Variants in PDE4B observed in about 807,000 individuals in gnomAD.
The protein encoded by PDE4B is phosphodiesterase 4B.
In PDE4B, 20 loss-of-function variants were observed where a neutral mutation model predicts 82.2. The observed-to-expected ratio is 0.24, with a 90% confidence interval of 0.17 to 0.35. The LOEUF is 0.35. Ranked by LOEUF, PDE4B falls within the 10% of genes least tolerant of loss-of-function variation. The probability of loss-of-function intolerance (pLI) is 1.00; values close to 1 mark genes in which losing one functional copy is unlikely to be tolerated. For missense variants in PDE4B, 655 were observed against 907.2 expected (o/e 0.72, Z 3.57); for synonymous variants, 320 against 318.9 (o/e 1.00, Z -0.04).
At chr1:66,244,684 C>T (rs1570545796) in intron 3 of PDE4B, among the ~76,000 whole-genome samples, 1 of 152,138 alleles carries the variant, frequency 6.6e-6, no homozygotes, top group African/African-American at 2.4e-5. Context: ...TGAAGCAGTG[C>T]CCCAGGGAAT....
intron 3 of PDE4B, among the ~76,000 whole-genome samples, chr1:66,060,502 G>A (rs1009129324): frequency 3.9e-5 from 6 of 152,222 alleles, no homozygotes; most frequent in African/African-American, 9.6e-5. Context: ...CTGTTTACAC[G>A]TGTAAAATAC....
chr1:65,830,642 C>A (rs34103804), intron 1 of PDE4B, among the ~76,000 whole-genome samples: 15,328 of 152,106 alleles, frequency 0.1, 858 homozygotes, highest in South Asian at 0.14. Context: ...GAAAGCTACT[C>A]CCCAAATCTG....
At chr1:66,081,822 CTCTCTCTCTCTGTGTGTGTGTG>C (rs1656748204) in intron 3 of PDE4B, among the ~76,000 whole-genome samples, 1 of 128,168 alleles carries the variant, frequency 7.8e-6, no homozygotes, top group Admixed American at 8.0e-5. Context: ...CTCTCTCTCT[CTCTCTCTCTCTGTGTGTGTGTG>C]TGTGTGTGTG....
intron 9 of PDE4B, among the ~76,000 whole-genome samples, chr1:66,357,969 G>A (rs537670557): frequency 9.9e-5 from 15 of 152,188 alleles, no homozygotes; most frequent in East Asian, 5.8e-4. Context: ...ACAAATAAAC[G>A]AAGTTTGTTT....
intron 3 of PDE4B, among the ~76,000 whole-genome samples, chr1:66,095,294 A>G (rs552329341): frequency 1.6e-4 from 24 of 152,032 alleles, no homozygotes; most frequent in Non-Finnish European, 3.4e-4. Flanking sequence ...CTTATCTATA[A>G]AATTTGGGTA....
chr1:65,880,880 A>G (rs919116161), intron 1 of PDE4B, among the ~76,000 whole-genome samples: 1 of 152,136 alleles, frequency 6.6e-6, no homozygotes, highest in African/African-American at 2.4e-5. Flanking sequence ...TAATTGAGGT[A>G]TTTCTTACCT....
intron 3 of PDE4B, among the ~76,000 whole-genome samples, chr1:66,021,159 G>T (rs1653084917): frequency 6.6e-6 from 1 of 152,214 alleles, no homozygotes; most frequent in Admixed American, 6.5e-5. Flanking sequence ...TTTTTGATGG[G>T]GTTGTTTGAT....
intron 3 of PDE4B, among the ~76,000 whole-genome samples, chr1:66,001,874 C>T (rs1303465762): frequency 6.6e-6 from 1 of 152,028 alleles, no homozygotes; most frequent in East Asian, 1.9e-4. Flanking sequence ...AGGCACGTGC[C>T]ACCACACCCA....
chr1:66,161,273 C>A (rs534074530), intron 3 of PDE4B, among the ~76,000 whole-genome samples: 1 of 147,144 alleles, frequency 6.8e-6, no homozygotes, highest in East Asian at 2.0e-4. Context: ...AGGCGTCAAA[C>A]CTGAACACAC....
At chr1:66,057,797 G>A (rs1359215677) in intron 3 of PDE4B, among the ~76,000 whole-genome samples, 1 of 152,130 alleles carries the variant, frequency 6.6e-6, no homozygotes, top group Non-Finnish European at 1.5e-5. Context: ...TACAACATGT[G>A]GGAATTATGG....
Position 66,349,942 on chromosome 1 carries a change from A to C in PDE4B, c.748-5585A>C, listed in dbSNP as rs553904615. 1.7e-3 allele frequency among the ~76,000 whole-genome samples: 257 copies of C among 152,218 alleles called. 2 individuals are homozygous for C. Among genetic ancestry groups the C allele is most frequent in the African/African-American group, 5.9e-3 (246 of 41,540 alleles). ...TTAGAAGCTAGCCATTTTACCACTA[A>C]AGAAACTGAGCCCCAAGAAGTTAAT... On this transcript the variant is annotated intron_variant, in intron 8 of 16. Coordinates refer to ENST00000341517, the MANE Select transcript of PDE4B (RefSeq NM_002600.4).
At chr1:66,325,886 C>G (rs564669245) in intron 7 of PDE4B, among the ~76,000 whole-genome samples, 27 of 152,304 alleles carry the variant, frequency 1.8e-4, no homozygotes, top group South Asian at 1.7e-3. Context: ...ATTCTCACAC[C>G]TAGTTTAAAC....
At chr1:66,325,766 A>T (rs984523676) in intron 7 of PDE4B, among the ~76,000 whole-genome samples, 2 of 152,202 alleles carry the variant, frequency 1.3e-5, no homozygotes, top group South Asian at 4.1e-4. Flanking sequence ...ACATGTCAAT[A>T]TATCATCAGG....
intron 1 of PDE4B, among the ~76,000 whole-genome samples, chr1:65,888,025 A>G (rs190926513): frequency 3.3e-5 from 5 of 151,922 alleles, no homozygotes; most frequent in Non-Finnish European, 2.9e-5. Context: ...TCTTTTCTAG[A>G]CCTATGTCCA....
chr1:66,284,117 C>T (rs1348332650), intron 7 of PDE4B, among the ~76,000 whole-genome samples: 3 of 152,124 alleles, frequency 2.0e-5, no homozygotes, highest in African/African-American at 7.2e-5. Flanking sequence ...AAGAATTTTT[C>T]AGAAGCATGA....
chr1:66,213,849 G>A (rs1338363994), intron 3 of PDE4B, among the ~76,000 whole-genome samples: 1 of 151,968 alleles, frequency 6.6e-6, no homozygotes, highest in Non-Finnish European at 1.5e-5. Flanking sequence ...TTTTGGAAGT[G>A]GAAATATGAT....
At chr1:66,024,309 A>G (rs1653314066) in intron 3 of PDE4B, among the ~76,000 whole-genome samples, 2 of 152,134 alleles carry the variant, frequency 1.3e-5, no homozygotes, top group African/African-American at 4.8e-5. Context: ...ACTATACCTT[A>G]GAGTTGGAAG....
intron 3 of PDE4B, chr1:65,992,920 A>T: frequency 6.2e-7 from 1 of 1,613,684 alleles, no homozygotes; most frequent in Non-Finnish European, 8.5e-7. Context: ...ACAGCAAAAG[A>T]TTCTTCAAAG....
chr1:66,051,553 A>G (rs577716736), intron 3 of PDE4B, among the ~76,000 whole-genome samples: 2 of 152,140 alleles, frequency 1.3e-5, no homozygotes, highest in African/African-American at 4.8e-5. Context: ...TAATTTGTTC[A>G]TGTTTGAAGA....
Sources: gnomAD v4.1 joint callset for allele counts (sites outside exome capture counted in the v4.1 genomes callset) on GRCh38, gnomAD v4.1.1 for gene constraint, MANE v1.5 for transcripts, NCBI Gene and HGNC (gene_info 2026-07-23, HGNC 2026-07-21) for gene names.